The following RELN variants were observed in gnomAD, a reference collection of about 807,000 sequenced individuals.
RELN encodes the protein reelin.
A neutral mutation model predicts 427.6 loss-of-function variants in RELN; 108 were observed. The observed-to-expected ratio is 0.25, with a 90% CI of 0.22 to 0.30. The LOEUF (loss-of-function observed/expected upper bound fraction) is 0.30. RELN is among the 10% of genes least tolerant of loss of function. The pLI, the probability that RELN is intolerant of heterozygous loss-of-function variation, is 1.00. For synonymous variants in RELN, 1,524 were observed against 1,513.4 expected (o/e 1.01, Z -0.16); for missense variants, 3,715 against 4,302.8 (o/e 0.86, Z 3.82).
Position 103,895,291 on chromosome 7 carries a change from T to A in RELN, c.337+21784A>T, listed in dbSNP as rs190692249. On this transcript the variant is annotated intron_variant, in intron 2 of 64. Transcript: ENST00000428762. ...AATATACATGGCGGTTGTTGACTTG[T>A]AACAGGAAAAAAAAAAGTGGTAGTT... Among the ~76,000 whole-genome samples the A allele has an allele frequency of 1.5e-4, 22 of 151,696 alleles. No individual in the cohort carries two copies. The East Asian group carries it at 4.3e-3, about 30-fold the overall frequency.
intron 3 of RELN, among the ~76,000 whole-genome samples, chr7:103,779,243 A>G (rs1406868403): frequency 2.0e-5 from 3 of 152,170 alleles, no homozygotes; most frequent in Non-Finnish European, 2.9e-5. Context: ...TCTAGGCTTT[A>G]TATGTTCTAA....
intron 2 of RELN, among the ~76,000 whole-genome samples, chr7:103,913,251 T>C (rs2116659741): frequency 6.6e-6 from 1 of 152,228 alleles, no homozygotes; most frequent in Admixed American, 6.5e-5. Context: ...CAAAGAAGAG[T>C]AGCTGTAACT....
In RELN at chr7:103,742,133, G is replaced by A. The variant is rs563001298; in HGVS notation, c.656+7293C>T. 5.9e-5 allele frequency among the ~76,000 whole-genome samples: 9 copies of A among 152,316 alleles called. No homozygotes were observed. In the East Asian group the frequency reaches 9.6e-4, roughly 16 times the overall value. On this transcript the variant is annotated intron_variant, in intron 6 of 64. Coordinates refer to ENST00000428762, the MANE Select transcript of RELN (RefSeq NM_005045.4). ...CAATATTTGCTGTTCTGCAGCCACC[G>A]CTGCTGATACCCAGGCAAACAGGGT...
At chr7:103,518,212 A>C (rs921774247) in intron 49 of RELN, among the ~76,000 whole-genome samples, 1 of 152,138 alleles carries the variant, frequency 6.6e-6, no homozygotes, top group African/African-American at 2.4e-5. Context: ...TTGACAGCTG[A>C]ACCTATTCTT....
intron 28 of RELN, among the ~76,000 whole-genome samples, chr7:103,587,368 C>A (rs1387126460): frequency 1.3e-5 from 2 of 152,084 alleles, no homozygotes; most frequent in Non-Finnish European, 2.9e-5. Context: ...TCACCATATA[C>A]AAAAATCAAC....
intron 12 of RELN, among the ~76,000 whole-genome samples, chr7:103,659,533 C>T (rs1443306724): frequency 6.6e-6 from 1 of 152,052 alleles, no homozygotes; most frequent in Non-Finnish European, 1.5e-5. Flanking sequence ...AATGGCTTAG[C>T]TTGGAATTCT....
intron 12 of RELN, among the ~76,000 whole-genome samples, chr7:103,658,177 G>A (rs955703435): frequency 3.9e-5 from 6 of 152,178 alleles, no homozygotes; most frequent in Non-Finnish European, 7.4e-5. Context: ...TGTTGAATAC[G>A]TCAATATATG....
intron 3 of RELN, among the ~76,000 whole-genome samples, chr7:103,804,342 A>T (rs889539108): frequency 1.3e-5 from 2 of 152,058 alleles, no homozygotes; most frequent in Non-Finnish European, 2.9e-5. Flanking sequence ...GTTGCTGGAA[A>T]TTTTTTCTAT....
chr7:103,538,103 G>A (rs1248159815), intron 45 of RELN, among the ~76,000 whole-genome samples: 1 of 152,150 alleles, frequency 6.6e-6, no homozygotes, highest in African/African-American at 2.4e-5. Flanking sequence ...CATCCCCACT[G>A]ACTAATCTAA....
chr7:103,572,778 T>A (rs1206430219), intron 30 of RELN, among the ~76,000 whole-genome samples: 1 of 152,156 alleles, frequency 6.6e-6, no homozygotes. Context: ...CAGTCTGTTA[T>A]AATTTAATGG....
intron 1 of RELN, among the ~76,000 whole-genome samples, chr7:103,950,981 T>C (rs1584395226): frequency 6.6e-6 from 1 of 152,276 alleles, no homozygotes; most frequent in African/African-American, 2.4e-5. Context: ...CAGGCTGGAG[T>C]GCAGTGGCAT....
chr7:103,588,948 T>TGG (rs1554385481), intron 28 of RELN, among the ~76,000 whole-genome samples: 1 of 151,910 alleles, frequency 6.6e-6, no homozygotes, highest in African/African-American at 2.4e-5. Flanking sequence ...TAAGGACTTT[T>TGG]AGAGTTATAA....
At chr7:103,751,957 T>A (rs1166315496) in intron 5 of RELN, among the ~76,000 whole-genome samples, 2 of 152,232 alleles carry the variant, frequency 1.3e-5, no homozygotes, top group Non-Finnish European at 2.9e-5. Context: ...TGTAGGAAAT[T>A]GCTTTTAAAA....
chr7:103,690,320 G>GC (rs1833847249), intron 10 of RELN, among the ~76,000 whole-genome samples: 1 of 151,978 alleles, frequency 6.6e-6, no homozygotes, highest in Non-Finnish European at 1.5e-5. Flanking sequence ...ATCCTTGACG[G>GC]TAAAACCAAG....
chr7:103,472,387 T>C lies in RELN; in HGVS notation c.*425A>G, dbSNP rs1456127982. On this transcript the variant is annotated 3_prime_UTR_variant, in exon 65 of 65. Transcript: ENST00000428762. ...ATACATAAAGGACAAACAATGATAA[T>C]TTAATCATATAAAACATGAGACATA... The C allele has an allele frequency of 8.9e-6, 2 of 224,272 alleles. No individual in the cohort carries two copies. The highest frequency in any genetic ancestry group is 1.8e-5 in the Non-Finnish European group (2 of 111,696). 13.9% of individuals were successfully genotyped at this position (224,272 alleles called of 1,614,324 possible).
intron 40 of RELN, among the ~76,000 whole-genome samples, chr7:103,551,590 C>A (rs1306648810): frequency 1.3e-5 from 2 of 152,114 alleles, no homozygotes; most frequent in African/African-American, 4.8e-5. Flanking sequence ...ACCTTTGGCC[C>A]ATTTTCCTAG....
chr7:103,548,878 C>T (rs1830355191), intron 41 of RELN, among the ~76,000 whole-genome samples: 1 of 152,186 alleles, frequency 6.6e-6, no homozygotes, highest in Non-Finnish European at 1.5e-5. Flanking sequence ...CTCAGTGCCT[C>T]TGACTGGCAG....
chr7:103,653,263 C>A (rs1360396032), intron 13 of RELN, among the ~76,000 whole-genome samples: 1 of 152,058 alleles, frequency 6.6e-6, no homozygotes, highest in Admixed American at 6.6e-5. Context: ...ATGACCACGG[C>A]AGGTATAGTT....
intron 8 of RELN, among the ~76,000 whole-genome samples, chr7:103,707,093 C>G (rs917072000): frequency 2.0e-5 from 3 of 152,076 alleles, no homozygotes; most frequent in African/African-American, 7.2e-5. Flanking sequence ...CTCACCCCAG[C>G]CTTCCAAGTA....
Sources: gnomAD v4.1 joint callset for allele counts (sites outside exome capture counted in the v4.1 genomes callset) on GRCh38, gnomAD v4.1.1 for gene constraint, MANE v1.5 for transcripts, NCBI Gene and HGNC (gene_info 2026-07-23, HGNC 2026-07-21) for gene names.